FHIT: variants seen among roughly 807,000 people sequenced by gnomAD.
The protein encoded by FHIT is bis(5'-adenosyl)-triphosphatase.
In FHIT, 19 loss-of-function variants were observed where a neutral mutation model predicts 17.9. That is an observed-to-expected ratio of 1.06 (90% CI 0.74 to 1.56). FHIT has a LOEUF of 1.56. FHIT is among the 40% of genes most tolerant of loss of function. The pLI is 0.00. For synonymous variants in FHIT, 81 were observed against 69.7 expected (o/e 1.16, Z -0.81); for missense variants, 248 against 189.2 (o/e 1.31, Z -1.82).
At chr3:60,546,120 T>C (rs2036351050) in intron 4 of FHIT, among the ~76,000 whole-genome samples, 1 of 152,216 alleles carries the variant, frequency 6.6e-6, no homozygotes, top group Non-Finnish European at 1.5e-5. Context: ...AATAAAATAC[T>C]ATAGCATCTT....
At chr3:59,790,044 AT>A (rs1699482941) in intron 8 of FHIT, among the ~76,000 whole-genome samples, 1 of 152,108 alleles carries the variant, frequency 6.6e-6, no homozygotes, top group Admixed American at 6.6e-5. Context: ...ATCCACTGCT[AT>A]TTTCAGGAGT....
At chr3:60,951,444 A>G (rs1167933918) in intron 3 of FHIT, among the ~76,000 whole-genome samples, 1 of 152,212 alleles carries the variant, frequency 6.6e-6, no homozygotes, top group Non-Finnish European at 1.5e-5. Context: ...TATCCAAACA[A>G]TAAGGCAGCC....
At chr3:60,599,053 A>G (rs782599247) in intron 4 of FHIT, among the ~76,000 whole-genome samples, 3 of 152,158 alleles carry the variant, frequency 2.0e-5, no homozygotes, top group Non-Finnish European at 4.4e-5. Context: ...GTTCCATTGT[A>G]TCTTGCTGTG....
chr3:60,191,522 G>T (rs895316124), intron 5 of FHIT, among the ~76,000 whole-genome samples: 1 of 152,112 alleles, frequency 6.6e-6, no homozygotes, highest in Admixed American at 6.6e-5. Flanking sequence ...ACATCATAAA[G>T]CCGTAGTGAT....
chr3:60,617,094 C>A, intron 4 of FHIT: 1 of 219,216 alleles, frequency 4.6e-6, no homozygotes, highest in South Asian at 7.9e-5. Context: ...AGAATGTTCC[C>A]AATGAGCAGG....
At chr3:60,411,047 A>C (rs1251792183) in intron 5 of FHIT, among the ~76,000 whole-genome samples, 2 of 152,120 alleles carry the variant, frequency 1.3e-5, no homozygotes, top group African/African-American at 2.4e-5. Context: ...GAGATGGAGA[A>C]GCATTAACCC....
chr3:60,187,708 T>G (rs1202885572), intron 5 of FHIT, among the ~76,000 whole-genome samples: 1 of 152,172 alleles, frequency 6.6e-6, no homozygotes, highest in African/African-American at 2.4e-5. Flanking sequence ...AATCACAGTC[T>G]ATTAAGAATA....
intron 4 of FHIT, among the ~76,000 whole-genome samples, chr3:60,668,849 G>A (rs1202180582): frequency 6.6e-6 from 1 of 152,108 alleles, no homozygotes; most frequent in African/African-American, 2.4e-5. Flanking sequence ...ACAGGCGTGA[G>A]CAAACCAGCT....
intron 5 of FHIT, among the ~76,000 whole-genome samples, chr3:60,340,158 T>C (rs1442237434): frequency 1.3e-5 from 2 of 152,200 alleles, no homozygotes; most frequent in Admixed American, 6.5e-5. Context: ...GAAACAGTGA[T>C]ATGATTGCTG....
intron 7 of FHIT, among the ~76,000 whole-genome samples, chr3:59,992,451 T>C (rs773390649): frequency 6.6e-6 from 1 of 152,084 alleles, no homozygotes; most frequent in Non-Finnish European, 1.5e-5. Flanking sequence ...CTTCACTAAA[T>C]CCAAAGTATT....
chr3:61,033,557 T>C (rs2033106481), intron 3 of FHIT, among the ~76,000 whole-genome samples: 1 of 152,212 alleles, frequency 6.6e-6, no homozygotes, highest in Non-Finnish European at 1.5e-5. Context: ...GTAATGTGGC[T>C]ACTACAAAAT....
intron 5 of FHIT, among the ~76,000 whole-genome samples, chr3:60,529,785 T>C (rs776274639): frequency 7.9e-5 from 12 of 152,204 alleles, no homozygotes; most frequent in South Asian, 2.1e-4. Flanking sequence ...ATACCCATGA[T>C]AGCAACATAA....
intron 5 of FHIT, among the ~76,000 whole-genome samples, chr3:60,179,457 A>ATAC (rs1363907636): frequency 2.0e-5 from 3 of 152,256 alleles, no homozygotes; most frequent in African/African-American, 7.2e-5. Context: ...TTGTCTGCTT[A>ATAC]GTATAATGAA....
intron 3 of FHIT, among the ~76,000 whole-genome samples, chr3:60,947,581 C>T (rs915427480): frequency 1.3e-5 from 2 of 152,192 alleles, no homozygotes; most frequent in African/African-American, 2.4e-5. Flanking sequence ...GTTGCATTCA[C>T]AAGTCTACAA....
intron 4 of FHIT, among the ~76,000 whole-genome samples, chr3:60,768,798 T>C (rs1699937809): frequency 6.6e-6 from 1 of 152,222 alleles, no homozygotes; most frequent in South Asian, 2.1e-4. Context: ...CTCTGCATTC[T>C]CTGTATAGAG....
At chr3:59,859,474 T>A (rs1702316446) in intron 8 of FHIT, among the ~76,000 whole-genome samples, 1 of 152,186 alleles carries the variant, frequency 6.6e-6, no homozygotes, top group African/African-American at 2.4e-5. Context: ...TCCCAGCACT[T>A]TGGGAGGCTG....
chr3:60,026,516 T>C (rs1399640132), intron 5 of FHIT, among the ~76,000 whole-genome samples: 1 of 152,218 alleles, frequency 6.6e-6, no homozygotes, highest in Non-Finnish European at 1.5e-5. Context: ...ATTTTCTCAT[T>C]TGATCTCTGT....
chr3:60,744,112 T>C (rs1225859910), intron 4 of FHIT, among the ~76,000 whole-genome samples: 3 of 151,968 alleles, frequency 2.0e-5, no homozygotes, highest in Non-Finnish European at 4.4e-5. Flanking sequence ...TGCTCTGACC[T>C]GAGACCACAA....
intron 4 of FHIT, among the ~76,000 whole-genome samples, chr3:60,544,596 ATTT>A (rs33965820): frequency 1.6e-5 from 2 of 124,434 alleles, no homozygotes; most frequent in Non-Finnish European, 1.6e-5. Context: ...TTCTCAACCT[ATTT>A]TTTTTTTTTT....
Sources: allele counts gnomAD v4.1 joint callset (sites outside exome capture counted in the v4.1 genomes callset), GRCh38; gene constraint gnomAD v4.1.1; transcripts MANE v1.5; gene names NCBI Gene and HGNC (gene_info 2026-07-23, HGNC 2026-07-21).